The following MICAL3 variants were observed in gnomAD, a reference collection of about 807,000 sequenced individuals.
The protein encoded by MICAL3 is microtubule associated monooxygenase, calponin and LIM domain containing 3.
A neutral mutation model predicts 207.4 loss-of-function variants in MICAL3; 62 were observed. The ratio of observed to expected loss-of-function variants is 0.30; its 90% CI spans 0.24 to 0.37. MICAL3 has a LOEUF of 0.37. MICAL3 is among the 10% of genes least tolerant of loss of function. The pLI is 1.00. For missense variants in MICAL3, 2,368 were observed against 2,635.6 expected, an observed-to-expected ratio of 0.90 and a Z score of 2.22; for synonymous variants, 1,077 against 1,069.3, an observed-to-expected ratio of 1.01 and a Z score of -0.14.
At chr22:17,947,442 G>T (rs988314408) in intron 1 of MICAL3, among the ~76,000 whole-genome samples, 1 of 152,066 alleles carries the variant, frequency 6.6e-6, no homozygotes, top group East Asian at 1.9e-4. Context: ...TGTTCTGTGC[G>T]CACCACTGAG....
intron 21 of MICAL3, among the ~76,000 whole-genome samples, chr22:17,828,236 G>A (rs1922418086): frequency 1.3e-5 from 2 of 152,196 alleles, no homozygotes; most frequent in Admixed American, 6.5e-5. Context: ...CCCCTCTGCT[G>A]GTCACACAGC....
chr22:17,976,589 A>ATAT (rs1231976773), intron 1 of MICAL3, among the ~76,000 whole-genome samples: 50 of 67,126 alleles, frequency 7.4e-4, no homozygotes, highest in African/African-American at 2.5e-3. Flanking sequence ...ATATATATAT[A>ATAT]TTTTTTTTTT....
Position 17,904,767 on chromosome 22 carries a change from C to T in MICAL3, c.337G>A (p.Val113Ile). ...IDLSLLGAKV[V>I]VIEKRDAFSR... ...AAGGCATCTCGTTTCTCAATAACAA[C>T]CACCTTGGCCCCCAGTAAGGATAAG... Residue 113 changes from valine (V) to isoleucine (I), a missense_variant, in exon 3 of 32, where the codon GTT (valine) becomes ATT (isoleucine). Physicochemically the swap from Val to Ile is conservative, Grantham distance 29. Coordinates refer to ENST00000441493, the MANE Select transcript of MICAL3 (RefSeq NM_015241.3). The T allele has an allele frequency of 8.7e-6, 14 of 1,613,958 alleles. No individual in the cohort carries two copies. Among genetic ancestry groups the T allele is most frequent in the Non-Finnish European group, 1.2e-5 (14 of 1,179,846 alleles).
intron 1 of MICAL3, among the ~76,000 whole-genome samples, chr22:17,928,577 C>A (rs936918179): frequency 8.5e-5 from 13 of 152,142 alleles, no homozygotes; most frequent in Admixed American, 1.3e-4. Context: ...GCAAGGAGCA[C>A]TTAAGAAACA....
intron 16 of MICAL3, among the ~76,000 whole-genome samples, chr22:17,873,559 G>A (rs544508075): frequency 6.6e-6 from 1 of 152,252 alleles, no homozygotes; most frequent in Admixed American, 6.5e-5. Flanking sequence ...GACTGGGCTG[G>A]GCATGTTGGC....
intron 1 of MICAL3, among the ~76,000 whole-genome samples, chr22:17,976,555 GTGTGTGTATATATA>G (rs1454834345): frequency 4.2e-5 from 3 of 71,124 alleles, no homozygotes; most frequent in Non-Finnish European, 5.0e-5. Context: ...GTGTGTGTGT[GTGTGTGTATATATA>G]TATATATATA....
At chr22:17,808,790 G>A in intron 29 of MICAL3, 54 bp downstream of exon 29, 6 of 1,458,182 alleles carry the variant, frequency 4.1e-6, no homozygotes, top group Non-Finnish European at 5.6e-6. Context: ...GCCTACCACG[G>A]CGGGAGGGAG....
chr22:17,986,726 C>T (rs1921054348), intron 1 of MICAL3, among the ~76,000 whole-genome samples: 1 of 152,166 alleles, frequency 6.6e-6, no homozygotes, highest in South Asian at 2.1e-4. Context: ...CATAGTTCCC[C>T]TTGAACTATG....
At chr22:17,816,553 A>C in intron 27 of MICAL3, 137 bp downstream of exon 27, 3 of 708,212 alleles carry the variant, frequency 4.2e-6, no homozygotes, top group Non-Finnish European at 7.3e-6. Flanking sequence ...GGGCTGGGTC[A>C]GCAGTCAGCT....
chr22:17,913,866 C>T (rs1200937034), intron 1 of MICAL3, among the ~76,000 whole-genome samples: 1 of 152,140 alleles, frequency 6.6e-6, no homozygotes, highest in Non-Finnish European at 1.5e-5. Context: ...CATAGCGAGG[C>T]ACCCAATAAA....
At chr22:17,955,402 C>T (rs1246978457) in intron 1 of MICAL3, among the ~76,000 whole-genome samples, 1 of 152,228 alleles carries the variant, frequency 6.6e-6, no homozygotes, top group Non-Finnish European at 1.5e-5. Context: ...CCATGCTCCT[C>T]CATCCCACTC....
intron 16 of MICAL3, chr22:17,872,761 C>T: frequency 6.2e-7 from 1 of 1,612,176 alleles, no homozygotes; most frequent in Admixed American, 1.7e-5. Context: ...TCCTTCTTGT[C>T]TAGAAGGGCT....
chr22:18,016,401 C>T (rs1924056463), intron 1 of MICAL3, among the ~76,000 whole-genome samples: 1 of 152,062 alleles, frequency 6.6e-6, no homozygotes. Flanking sequence ...ATTCACATAT[C>T]AAAAAGTTAT....
At chr22:17,967,288 G>C (rs1033537682) in intron 1 of MICAL3, among the ~76,000 whole-genome samples, 2 of 152,060 alleles carry the variant, frequency 1.3e-5, no homozygotes, top group African/African-American at 4.8e-5. Context: ...CAATAAAAAA[G>C]CTACTAAGAA....
chr22:17,890,683 A>G (rs1930324347), intron 12 of MICAL3, among the ~76,000 whole-genome samples: 1 of 152,246 alleles, frequency 6.6e-6, no homozygotes. Context: ...ATCTTGTAGG[A>G]TTCCTTAAGC....
chr22:17,791,780 G>A (rs1011107713), intron 29 of MICAL3: 3 of 172,680 alleles, frequency 1.7e-5, no homozygotes, highest in Non-Finnish European at 3.7e-5. Flanking sequence ...CCTCTCCAGG[G>A]GCCACCAGAA....
chr22:17,834,284 A>G, intron 20 of MICAL3: 2 of 1,111,540 alleles, frequency 1.8e-6, no homozygotes, highest in Non-Finnish European at 2.2e-6. Flanking sequence ...CCAGTGGACA[A>G]AAGAATATAC....
chr22:17,803,576 A>G (rs2241252), intron 29 of MICAL3: 9,406 of 152,394 alleles, frequency 0.062, 574 homozygotes, highest in East Asian at 0.17. Flanking sequence ...GTTTTATTAT[A>G]AAAAATTAAA....
intron 1 of MICAL3, among the ~76,000 whole-genome samples, chr22:17,984,533 T>G (rs1192714871): frequency 1.4e-5 from 2 of 139,680 alleles, no homozygotes; most frequent in South Asian, 2.4e-4. Flanking sequence ...TTCCCAGACC[T>G]CCCCCCCACC....
Sources: allele counts gnomAD v4.1 joint callset (sites outside exome capture counted in the v4.1 genomes callset), GRCh38; gene constraint gnomAD v4.1.1; transcripts MANE v1.5; gene names NCBI Gene and HGNC (gene_info 2026-07-23, HGNC 2026-07-21).